PLXNA1: variants seen among roughly 807,000 people sequenced by gnomAD.
The protein encoded by PLXNA1 is plexin-A1.
A neutral mutation model predicts 191.7 loss-of-function variants in PLXNA1; 77 were observed. That is an observed-to-expected ratio of 0.40 (90% confidence interval 0.33 to 0.49). The LOEUF is 0.49. Ranked by LOEUF, PLXNA1 falls within the 20% of genes least tolerant of loss-of-function variation. PLXNA1 has a pLI of 0.63. For missense variants in PLXNA1, 2,110 were observed against 2,660.2 expected, an observed-to-expected ratio of 0.79 and a Z score of 4.55; for synonymous variants, 1,137 against 1,156.4, an observed-to-expected ratio of 0.98 and a Z score of 0.34.
At chr3:126,989,849 G>C in intron 2 of PLXNA1, 62 bp downstream of exon 2, 2 of 1,363,128 alleles carry the variant, frequency 1.5e-6, no homozygotes, top group South Asian at 1.3e-5. Flanking sequence ...CGACGGCATC[G>C]GTGTCAGATG....
chr3:126,997,862 A>C (rs1178115700), intron 3 of PLXNA1, among the ~76,000 whole-genome samples: 1 of 152,210 alleles, frequency 6.6e-6, no homozygotes, highest in Non-Finnish European at 1.5e-5. Flanking sequence ...CGTCAACACC[A>C]TTGATAAGGT....
intron 3 of PLXNA1, among the ~76,000 whole-genome samples, chr3:126,994,360 G>C (rs2107622518): frequency 6.6e-6 from 1 of 152,284 alleles, no homozygotes; most frequent in East Asian, 1.9e-4. Context: ...GAGTGCTGCT[G>C]CTGTGGGTGC....
At chr3:126,998,876 C>G (rs777397086) in intron 3 of PLXNA1, among the ~76,000 whole-genome samples, 2 of 152,158 alleles carry the variant, frequency 1.3e-5, no homozygotes, top group Non-Finnish European at 2.9e-5. Context: ...CTCTCTCCCC[C>G]GACAGGTGTG....
Position 127,022,108 on chromosome 3 carries a change from G to A in PLXNA1, c.4062G>A (p.Ser1354=), listed in dbSNP as rs371281283. ...AGGTGCAGGCCAATGTGGAGAAGTC[G>A]CTGACACTGTTCGGGCAGCTGCTGA... ...EMEVQANVEK[S]LTLFGQLLTK... is the part of the protein sequence containing the mutation. The change falls in exon 22 of 32, where the codon TCG becomes TCA. Residue 1354 remains serine (S), a synonymous_variant. Coordinates refer to ENST00000393409, the MANE Select transcript of PLXNA1 (RefSeq NM_032242.4). 18 of 1,612,888 alleles carry A rather than the reference G, an allele frequency of 1.1e-5. No homozygotes were observed. Among genetic ancestry groups the A allele is most frequent in the South Asian group, 9.9e-5 (9 of 91,084 alleles).
At chr3:127,032,655 C>T (rs1419906219) in intron 30 of PLXNA1, 31 bp from the exon 31 acceptor site, 1 of 1,611,454 alleles carries the variant, frequency 6.2e-7, no homozygotes, top group Admixed American at 1.7e-5. Context: ...CTGGACTCTG[C>T]TCATGTGCCC....
Position 126,989,780 on chromosome 3 carries a change from TCAACTCGGTGAGTTGGG to T in PLXNA1, c.1190_1194+12del. On this transcript the variant is annotated splice_donor_variant and splice_donor_5th_base_variant and coding_sequence_variant and intron_variant, in exon 2 of 32. Transcript: ENST00000393409. LOFTEE classifies it high-confidence loss of function. The stretch of plus-strand genomic sequence containing the variant: ...CTGCTCAACAAGGAGCTGGGCTGCA[TCAACTCGGTGAGTTGGG>T]CAGGGGCGCCCCTCCTCCCGCGGCC... 6.2e-7 allele frequency: 1 copy of T among 1,604,262 alleles called. No individual in the cohort carries two copies. Among genetic ancestry groups the T allele is most frequent in the Non-Finnish European group, 8.5e-7 (1 of 1,174,248 alleles).
chr3:126,994,847 G>A (rs1485918203), intron 3 of PLXNA1, among the ~76,000 whole-genome samples: 1 of 152,098 alleles, frequency 6.6e-6, no homozygotes, highest in African/African-American at 2.4e-5. Context: ...GCCGGGCCCC[G>A]GGGCTCCCTC....
chr3:127,027,699 C>T (rs1485497919), intron 23 of PLXNA1: 3 of 676,850 alleles, frequency 4.4e-6, no homozygotes, highest in African/African-American at 3.5e-5. Context: ...CCTCCTGGCT[C>T]ATGTGTAATT....
At chr3:127,009,193 G>A (rs143565954) in intron 9 of PLXNA1, among the ~76,000 whole-genome samples, 124 of 151,994 alleles carry the variant, frequency 8.2e-4, no homozygotes, top group Middle Eastern at 3.4e-3. Flanking sequence ...CACAGTGGTC[G>A]TCAGGGGTGG....
At chr3:127,017,163 G>T in intron 17 of PLXNA1, 126 bp downstream of exon 17, 1 of 1,021,688 alleles carries the variant, frequency 9.8e-7, no homozygotes, top group Non-Finnish European at 1.4e-6. Context: ...TGCCAACCTT[G>T]GCTGTGCCTG....
rs2079050501 is a variant in PLXNA1 at position 127,003,419 on chromosome 3, C to A, written c.1467C>A (p.Asp489Glu). ...AGGAGGGCAGCCCCATCCTGCGAGACCTCGTCCTCAGCCCCAACCACCAGT... is the reference window on the plus strand; with the variant it reads ...AGGAGGGCAGCCCCATCCTGCGAGAACTCGTCCTCAGCCCCAACCACCAGT... ...VAQEGSPILR[D>E]LVLSPNHQYL... Residue 489 changes from aspartate to glutamate, a missense_variant, in exon 4 of 32, where the codon GAC becomes GAA. Physicochemically the swap from Asp to Glu is conservative, Grantham distance 45 (BLOSUM62 2). Transcript: ENST00000393409. 6.2e-7 allele frequency: 1 copy of A among 1,611,480 alleles called. No homozygotes were observed. The highest frequency in any genetic ancestry group is 8.5e-7 in the Non-Finnish European group (1 of 1,179,308).
chr3:127,032,899 C>G (rs1254964639), intron 31 of PLXNA1, 63 bp downstream of exon 31: 5 of 1,528,994 alleles, frequency 3.3e-6, no homozygotes, highest in Non-Finnish European at 4.5e-6. Context: ...CCAGAGTCAC[C>G]TGCTCTGCCC....
At chr3:126,984,342 C>T (rs1246157265) in intron 1 of PLXNA1, among the ~76,000 whole-genome samples, 4 of 152,232 alleles carry the variant, frequency 2.6e-5, no homozygotes, top group East Asian at 1.9e-4. Flanking sequence ...CCCCTCAGCG[C>T]GGCTCCTGTG....
In PLXNA1 at chr3:127,012,178, G is replaced by A. The variant is rs780454121; in HGVS notation, c.2313+20G>A. 15 of 1,604,630 alleles carry A rather than the reference G, an allele frequency of 9.3e-6. No homozygotes were observed. Among genetic ancestry groups the A allele is most frequent in the Middle Eastern group, 2.1e-4 (1 of 4,768 alleles). ...TCCTCGGTGAGGTGGCCAGGGCAGG[G>A]GCTGGGGGCCGTGAGCCGGAATGGG... On this transcript the variant is annotated intron_variant, in intron 10 of 31. Coordinates refer to ENST00000393409, the MANE Select transcript of PLXNA1 (RefSeq NM_032242.4).
chr3:127,029,664 G>A (rs188411138), intron 27 of PLXNA1, 128 bp downstream of exon 27: 160 of 1,127,218 alleles, frequency 1.4e-4, no homozygotes, highest in African/African-American at 1.2e-3. Flanking sequence ...CCTGTCACTC[G>A]CACTCTTGGC....
rs746411729 is a variant in PLXNA1, at chr3:126,988,626, CCTG to C, written c.46_48del (p.Leu21del). On this transcript the variant is annotated inframe_deletion, in exon 2 of 32. Coordinates refer to ENST00000393409, the MANE Select transcript of PLXNA1 (RefSeq NM_032242.4). Reference sequence around the variant, plus strand: ...TGCCACCGCGGAGCCTGCAGGTGCTCCTGCTGCTGCTGCTGTTGCTGCTGCTGC... The same window carrying C: ...TGCCACCGCGGAGCCTGCAGGTGCTCCTGCTGCTGCTGTTGCTGCTGCTGC... The C allele has an allele frequency of 2.0e-4, 307 of 1,564,236 alleles. No individual in the cohort carries two copies. Among genetic ancestry groups the C allele is most frequent in the Admixed American group, 7.1e-4 (39 of 55,142 alleles).
chr3:127,001,858 T>C (rs962950653), intron 3 of PLXNA1, among the ~76,000 whole-genome samples: 1 of 152,222 alleles, frequency 6.6e-6, no homozygotes, highest in East Asian at 1.9e-4. Flanking sequence ...CCAGGCACTG[T>C]GGCCCAGAGG....
At chr3:127,032,658 A>G in intron 30 of PLXNA1, 28 bp from the exon 31 acceptor site, 2 of 1,611,674 alleles carry the variant, frequency 1.2e-6, no homozygotes, top group Non-Finnish European at 1.7e-6. Flanking sequence ...GACTCTGCTC[A>G]TGTGCCCACC....
Position 126,988,627 on chromosome 3 carries a change from CTGCTGCTGCTGCTGT to C in PLXNA1, c.49_63del (p.Leu17_Leu21del). ...GCCACCGCGGAGCCTGCAGGTGCTC[CTGCTGCTGCTGCTGT>C]TGCTGCTGCTGCTGCCGGGCATGTG... On this transcript the variant is annotated inframe_deletion, in exon 2 of 32. Transcript: ENST00000393409. The C allele has an allele frequency of 2.6e-6, 4 of 1,538,076 alleles. No homozygotes were observed. The highest frequency in any genetic ancestry group is 3.5e-6 in the Non-Finnish European group (4 of 1,141,650).
Sources: allele counts gnomAD v4.1 joint callset (sites outside exome capture counted in the v4.1 genomes callset), GRCh38; gene constraint gnomAD v4.1.1; transcripts MANE v1.5; gene names NCBI Gene and HGNC (gene_info 2026-07-23, HGNC 2026-07-21).